Variants in MSN observed in about 807,000 individuals in gnomAD.
MSN encodes epididymis luminal protein 70.
MSN carries 2 observed loss-of-function variants against 48.0 expected under a neutral mutation model. That is an observed-to-expected ratio of 0.04 (90% CI 0.02 to 0.13). The LOEUF is 0.13. MSN is among the 10% of genes least tolerant of loss of function. MSN has a pLI of 1.00. For missense variants in MSN, 267 were observed against 470.1 expected (o/e 0.57, Z 3.99); for synonymous variants, 146 against 166.9 (o/e 0.87, Z 0.97).
At chrX:65,618,173 T>C (rs1251256229) in intron 1 of MSN, among the ~76,000 whole-genome samples, 5 of 112,143 alleles carry the variant, frequency 4.5e-5, no homozygotes, top group Non-Finnish European at 9.4e-5. Context: ...CTGACAAAGA[T>C]ATATATGCTG....
intron 1 of MSN, chrX:65,624,575 T>C (rs1173539202): frequency 3.8e-5 from 4 of 105,133 alleles, no homozygotes; most frequent in Admixed American, 1.0e-4. Context: ...GTGGGTTTTT[T>C]TTTTTTTTCC....
At chrX:65,728,275 G>GT (rs200086962) in intron 3 of MSN, among the ~76,000 whole-genome samples, 1,155 of 110,942 alleles carry the variant, frequency 0.01, 14 homozygotes, top group African/African-American at 0.036. Flanking sequence ...GGGGATTTGT[G>GT]TTTTTTTTGT....
At chrX:65,689,353 A>G (rs1360469684) in intron 1 of MSN, among the ~76,000 whole-genome samples, 4 of 111,718 alleles carry the variant, frequency 3.6e-5, no homozygotes, top group Admixed American at 2.9e-4. Context: ...GGACAACTCT[A>G]CCAGCTCCAA....
At chrX:65,705,949 GA>G (rs956880753) in intron 1 of MSN, among the ~76,000 whole-genome samples, 4 of 111,682 alleles carry the variant, frequency 3.6e-5, no homozygotes, top group African/African-American at 1.3e-4. Flanking sequence ...ACAGGCATAG[GA>G]AAGGTTAACC....
chrX:65,613,302 T>C (rs2070337456), intron 1 of MSN, among the ~76,000 whole-genome samples: 1 of 114,953 alleles, frequency 8.7e-6, no homozygotes, highest in Non-Finnish European at 1.9e-5. Context: ...TGGTTCCAAG[T>C]CTATGCTCTT....
chrX:65,593,150 A>G (rs1036403616), intron 1 of MSN: 1 of 100,487 alleles, frequency 1.0e-5, no homozygotes, highest in Non-Finnish European at 2.0e-5. Flanking sequence ...CTACCTTCCC[A>G]CCTCTTCTAC....
intron 1 of MSN, among the ~76,000 whole-genome samples, chrX:65,611,307 G>A (rs1169116749): frequency 9.1e-6 from 1 of 109,973 alleles, no homozygotes; most frequent in East Asian, 2.8e-4. Context: ...TTACAGGTGT[G>A]TGCCACCATG....
chrX:65,713,444 C>A (rs1183721677), intron 1 of MSN, among the ~76,000 whole-genome samples: 1 of 111,334 alleles, frequency 9.0e-6, no homozygotes, highest in African/African-American at 3.3e-5. Flanking sequence ...ATAGAACCAC[C>A]GACATCAGCA....
chrX:65,627,481 C>A (rs1182147450), intron 1 of MSN, among the ~76,000 whole-genome samples: 1 of 110,782 alleles, frequency 9.0e-6, no homozygotes, highest in African/African-American at 3.3e-5. Flanking sequence ...AAAGTGGAAA[C>A]CCCTGATAAA....
chrX:65,723,385 C>A (rs759058252), intron 2 of MSN, among the ~76,000 whole-genome samples: 48 of 111,623 alleles, frequency 4.3e-4, no homozygotes, highest in Non-Finnish European at 7.9e-4. Context: ...TACCACACCC[C>A]CTATGTCCCT....
chrX:65,726,434 G>A (rs1464166230), intron 2 of MSN, among the ~76,000 whole-genome samples: 1 of 111,554 alleles, frequency 9.0e-6, no homozygotes, highest in Non-Finnish European at 1.9e-5. Flanking sequence ...TCACAGGGTT[G>A]TTTACTGTTC....
intron 1 of MSN, among the ~76,000 whole-genome samples, chrX:65,691,592 C>G (rs1421917840): frequency 9.0e-6 from 1 of 111,200 alleles, no homozygotes; most frequent in Non-Finnish European, 1.9e-5. Context: ...GCAACTTTCG[C>G]CTCCTGGGTT....
chrX:65,658,576 CA>C (rs113817931), intron 1 of MSN, among the ~76,000 whole-genome samples: 2,654 of 111,647 alleles, frequency 0.024, 89 homozygotes, highest in African/African-American at 0.082. Flanking sequence ...TTGTTGGGGT[CA>C]GGGGGATTCT....
chrX:65,669,880 G>A (rs763171234), intron 1 of MSN, among the ~76,000 whole-genome samples: 1 of 110,829 alleles, frequency 9.0e-6, no homozygotes, highest in East Asian at 2.8e-4. Context: ...GAGACCTACA[G>A]GGAAAGACCT....
intron 1 of MSN, among the ~76,000 whole-genome samples, chrX:65,599,562 G>T (rs1305752201): frequency 1.1e-4 from 12 of 112,592 alleles, no homozygotes; most frequent in African/African-American, 3.9e-4. Flanking sequence ...GAACCCGTAA[G>T]GCGGAGGTTG....
chrX:65,739,654 G>T (rs2071715793), intron 12 of MSN, 75 bp from the exon 13 acceptor site: 2 of 1,060,086 alleles, frequency 1.9e-6, no homozygotes, highest in Non-Finnish European at 2.5e-6. Flanking sequence ...CAGAAGAGAA[G>T]GGAAGTCTGG....
chrX:65,642,759 G>C (rs950842840), intron 1 of MSN, among the ~76,000 whole-genome samples: 2 of 111,714 alleles, frequency 1.8e-5, no homozygotes, highest in Non-Finnish European at 3.8e-5. Flanking sequence ...GATGGTCAGG[G>C]AGTTAGATGA....
At chrX:65,610,412 A>G (rs1302136624) in intron 1 of MSN, among the ~76,000 whole-genome samples, 2 of 112,573 alleles carry the variant, frequency 1.8e-5, no homozygotes, top group African/African-American at 6.5e-5. Flanking sequence ...AGGCTCATTC[A>G]CATTACAGCA....
intron 1 of MSN, among the ~76,000 whole-genome samples, chrX:65,677,823 A>G (rs1286447851): frequency 9.0e-6 from 1 of 111,218 alleles, no homozygotes; most frequent in Non-Finnish European, 1.9e-5. Flanking sequence ...CAGGTTCCTT[A>G]TTCCCCTTGG....
Sources: allele counts gnomAD v4.1 joint callset (sites outside exome capture counted in the v4.1 genomes callset), GRCh38; gene constraint gnomAD v4.1.1; transcripts MANE v1.5; gene names NCBI Gene and HGNC (gene_info 2026-07-23, HGNC 2026-07-21).